The following SKI variants were observed in gnomAD, a reference collection of about 807,000 sequenced individuals.
SKI encodes the protein SKI proto-oncogene.
Under a neutral mutation model 59.3 loss-of-function variants are expected in SKI, and 23 were observed. The ratio of observed to expected loss-of-function variants is 0.39; its 90% CI spans 0.28 to 0.55. The LOEUF is 0.55. Ranked by LOEUF, SKI falls within the 20% of genes least tolerant of loss-of-function variation. The pLI is 0.67. For missense variants in SKI, 1,017 were observed against 1,038.9 expected (o/e 0.98, Z 0.29); for synonymous variants, 673 against 488.6 (o/e 1.38, Z -4.98).
chr1:2,240,511 G>A (rs1638847086), intron 1 of SKI: 1 of 985,302 alleles, frequency 1.0e-6, no homozygotes, highest in Non-Finnish European at 1.2e-6. Flanking sequence ...GCGGGTGGTG[G>A]CTGGTTGTGG....
intron 1 of SKI, among the ~76,000 whole-genome samples, chr1:2,239,950 G>A (rs1638830509): frequency 6.6e-6 from 1 of 152,222 alleles, no homozygotes; most frequent in African/African-American, 2.4e-5. Context: ...CCCCTGTTCG[G>A]TTCCCTGACT....
intron 1 of SKI, among the ~76,000 whole-genome samples, chr1:2,242,709 G>A (rs1281383676): frequency 6.6e-6 from 1 of 152,032 alleles, no homozygotes; most frequent in East Asian, 1.9e-4. Context: ...TTTTAGAGAT[G>A]TGATCTCCGT....
chr1:2,304,453 G>A lies in SKI; in HGVS notation c.1635G>A (p.Leu545=), dbSNP rs147353707. Residue 545 remains leucine, a synonymous_variant, in exon 5 of 7, where the codon CTG becomes CTA. Transcript: ENST00000378536. The part of the protein sequence containing the change: ...PSGLEAELEH[L]RQALEGGLDT... ...GGCTGGAGGCGGAGCTGGAGCACCT[G>A]CGGCAGGCACTGGAGGGCGGCCTGG... is the stretch of plus-strand genomic sequence containing the variant. The A allele has an allele frequency of 2.6e-6, 4 of 1,566,520 alleles. No homozygotes were observed. In the South Asian group the frequency reaches 4.7e-5, roughly 18 times the overall value.
chr1:2,240,510 G>A, intron 1 of SKI: 4 of 985,448 alleles, frequency 4.1e-6, no homozygotes, highest in Non-Finnish European at 4.8e-6. Flanking sequence ...GGCGGGTGGT[G>A]GCTGGTTGTG....
At chr1:2,251,544 G>A (rs1000619926) in intron 1 of SKI, among the ~76,000 whole-genome samples, 2 of 152,254 alleles carry the variant, frequency 1.3e-5, no homozygotes, top group African/African-American at 4.8e-5. Flanking sequence ...TCCCCAGGTC[G>A]TGTGGGGCCA....
chr1:2,272,314 A>G (rs1639641991), intron 1 of SKI, among the ~76,000 whole-genome samples: 1 of 152,130 alleles, frequency 6.6e-6, no homozygotes, highest in African/African-American at 2.4e-5. Flanking sequence ...CAAAACACAC[A>G]TAGACTTCCA....
chr1:2,277,878 G>A (rs556045501), intron 1 of SKI, among the ~76,000 whole-genome samples: 22 of 151,246 alleles, frequency 1.5e-4, no homozygotes, highest in East Asian at 3.9e-4. Flanking sequence ...CATCAGCACC[G>A]TGGGCGCACA....
chr1:2,234,696 G>T (rs1401660942), intron 1 of SKI, among the ~76,000 whole-genome samples: 1 of 152,266 alleles, frequency 6.6e-6, no homozygotes, highest in Non-Finnish European at 1.5e-5. Flanking sequence ...TGGCAATAAT[G>T]TGTCTCTTTC....
chr1:2,231,899 CCTTT>C (rs1638647631), intron 1 of SKI, among the ~76,000 whole-genome samples: 1 of 152,226 alleles, frequency 6.6e-6, no homozygotes, highest in Non-Finnish European at 1.5e-5. Context: ...CAGTGCCTGC[CCTTT>C]AGGCTCTGTG....
rs905211329 is a variant in SKI at position 2,267,408 on chromosome 1, C to T, written c.970-35570C>T. 2.0e-5 allele frequency among the ~76,000 whole-genome samples: 3 copies of T among 152,150 alleles called. No individual in the cohort carries two copies. The highest frequency in any genetic ancestry group is 4.4e-5 in the Non-Finnish European group (3 of 68,024). On this transcript the variant is annotated intron_variant, in intron 1 of 6. Transcript: ENST00000378536. This position sits in a 1 kb window ranked among gnomAD's most constrained non-coding sequence, Gnocchi z 4.1. ...GAAGGGGTGTGTTGACAGGGCCGTT[C>T]GGGCCGGAGCAGGTGCGACAGGAAT...
chr1:2,230,624 C>G (rs1039579729), intron 1 of SKI, among the ~76,000 whole-genome samples: 1 of 152,164 alleles, frequency 6.6e-6, no homozygotes, highest in East Asian at 1.9e-4. Context: ...CTATGGGATC[C>G]GGCATGGGCA....
intron 1 of SKI, among the ~76,000 whole-genome samples, chr1:2,264,441 T>G (rs1341986743): frequency 6.6e-6 from 1 of 151,892 alleles, no homozygotes; most frequent in East Asian, 1.9e-4. Context: ...GCTAATTTTT[T>G]GTATTTTTAG....
intron 1 of SKI, among the ~76,000 whole-genome samples, chr1:2,234,385 C>T (rs866100484): frequency 3.3e-5 from 5 of 152,164 alleles, no homozygotes; most frequent in African/African-American, 4.8e-5. Flanking sequence ...AGCAGGGTCA[C>T]GGTGGGGGGG....
chr1:2,241,486 G>A (rs1018637649), intron 1 of SKI, among the ~76,000 whole-genome samples: 7 of 152,058 alleles, frequency 4.6e-5, no homozygotes, highest in South Asian at 4.1e-4. Context: ...TCTGTCTCCC[G>A]GGTTCACGCC....
chr1:2,237,090 G>A (rs1359626372), intron 1 of SKI, among the ~76,000 whole-genome samples: 1 of 152,188 alleles, frequency 6.6e-6, no homozygotes, highest in Non-Finnish European at 1.5e-5. Context: ...GGGTTCTTGT[G>A]TGGCCCTTCC....
chr1:2,292,291 G>A (rs1398396799), intron 1 of SKI, among the ~76,000 whole-genome samples: 2 of 152,236 alleles, frequency 1.3e-5, no homozygotes, highest in Non-Finnish European at 2.9e-5. Context: ...TCGGGCTTTT[G>A]GAGTTTGTCC....
intron 1 of SKI, among the ~76,000 whole-genome samples, chr1:2,239,773 CG>C (rs891013128): frequency 6.6e-5 from 10 of 152,218 alleles, no homozygotes; most frequent in Admixed American, 6.5e-5. Context: ...TTCACGGCTC[CG>C]GGGCTGAGTG....
chr1:2,234,934 T>C (rs1638720677), intron 1 of SKI, among the ~76,000 whole-genome samples: 1 of 152,044 alleles, frequency 6.6e-6, no homozygotes, highest in Non-Finnish European at 1.5e-5. Flanking sequence ...GGGGGCTGCC[T>C]GGGGACCAGC....
chr1:2,305,675 C>A (rs1640554656), intron 5 of SKI, among the ~76,000 whole-genome samples: 1 of 152,186 alleles, frequency 6.6e-6, no homozygotes, highest in African/African-American at 2.4e-5. Context: ...TCTGAGGCTG[C>A]CCTCCTCACA....
Sources: allele counts gnomAD v4.1 joint callset (sites outside exome capture counted in the v4.1 genomes callset), GRCh38; gene constraint gnomAD v4.1.1; non-coding constraint Gnocchi (gnomAD v3.1); transcripts MANE v1.5; gene names NCBI Gene and HGNC (gene_info 2026-07-23, HGNC 2026-07-21).